Variants in FER1L6 observed in about 807,000 individuals in gnomAD.
FER1L6 encodes fer-1 like family member 6, also known as fer-1-like protein 6.
A neutral mutation model predicts 219.2 loss-of-function variants in FER1L6; 177 were observed. The observed-to-expected ratio is 0.81, with a 90% CI of 0.71 to 0.91. FER1L6 has a LOEUF of 0.91. Among genes scored for constraint, FER1L6 ranks in the 40% least tolerant of loss-of-function variants. FER1L6 has a pLI of 0.00. For missense variants in FER1L6, 2,153 were observed against 2,259.9 expected (o/e 0.95, Z 0.96); for synonymous variants, 768 against 824.3 (o/e 0.93, Z 1.17).
intron 32 of FER1L6, among the ~76,000 whole-genome samples, chr8:124,081,773 G>A (rs1159558961): frequency 6.6e-6 from 1 of 152,116 alleles, no homozygotes; most frequent in Non-Finnish European, 1.5e-5. Context: ...CAACAATGGA[G>A]GGGAAGGGGA....
intron 1 of FER1L6, among the ~76,000 whole-genome samples, chr8:123,936,912 T>TG (rs1814029816): frequency 6.6e-6 from 1 of 151,600 alleles, no homozygotes; most frequent in African/African-American, 2.4e-5. Context: ...TTAAAGAACA[T>TG]TTTTTTTTGT....
rs762510278 is a variant in FER1L6, at chr8:124,023,518, C to T, written c.2208C>T (p.Ala736=). 9.9e-6 allele frequency: 16 copies of T among 1,614,192 alleles called. No homozygotes were observed. Among genetic ancestry groups the T allele is most frequent in the Non-Finnish European group, 1.4e-5 (16 of 1,180,008 alleles). Residue 736 remains alanine, a synonymous_variant, in exon 18 of 41, where the codon GCC becomes GCT. Coordinates refer to ENST00000522917, the MANE Select transcript of FER1L6 (RefSeq NM_001039112.2). ...NNRRVAYARI[A]SKDLLYSPVA... ...GGAGAGTGGCCTATGCCCGCATCGCCTCCAAAGACCTCCTCTATTCCCCTG... is the reference window on the plus strand; with the variant it reads ...GGAGAGTGGCCTATGCCCGCATCGCTTCCAAAGACCTCCTCTATTCCCCTG...
chr8:124,023,541 C>G lies in FER1L6; in HGVS notation c.2231C>G (p.Pro744Arg). ...GCCTCCAAAGACCTCCTCTATTCCC[C>G]TGTCGCGGGGCAGATGGGCAAACAC... ...RIASKDLLYS[P>R]VAGQMGKHCG... The change falls in exon 18 of 41, where the codon CCT becomes CGT. Residue 744 changes from proline (P) to arginine (R), a missense_variant. Physicochemically the swap from Pro to Arg is moderately radical, Grantham distance 103 (BLOSUM62 -2). Transcript: ENST00000522917. 6.2e-7 allele frequency: 1 copy of G among 1,614,154 alleles called. No homozygotes were observed. The highest frequency in any genetic ancestry group is 1.1e-5 in the South Asian group (1 of 91,090).
chr8:123,978,814 C>A (rs555506772), intron 10 of FER1L6, among the ~76,000 whole-genome samples: 1 of 152,176 alleles, frequency 6.6e-6, no homozygotes, highest in Admixed American at 6.5e-5. Flanking sequence ...CATAGAGAGG[C>A]CTCAGTAAAT....
At chr8:123,865,714 G>A (rs1264745782) in intron 1 of FER1L6, among the ~76,000 whole-genome samples, 1 of 151,280 alleles carries the variant, frequency 6.6e-6, no homozygotes, top group South Asian at 2.1e-4. Flanking sequence ...TCTGAAAAGC[G>A]CAATATTCGG....
chr8:123,970,968 G>C (rs1024938557), intron 6 of FER1L6, among the ~76,000 whole-genome samples: 1 of 152,150 alleles, frequency 6.6e-6, no homozygotes, highest in African/African-American at 2.4e-5. Flanking sequence ...AAGGATGGCT[G>C]GAGAGTAAGT....
chr8:124,017,878 A>G (rs1818270350), intron 16 of FER1L6, among the ~76,000 whole-genome samples, 160 bp downstream of exon 16: 1 of 152,240 alleles, frequency 6.6e-6, no homozygotes. Flanking sequence ...TTGGAAAGAA[A>G]TGAACATTTA....
intron 1 of FER1L6, among the ~76,000 whole-genome samples, chr8:123,918,771 G>A (rs954512844): frequency 6.6e-5 from 10 of 152,308 alleles, no homozygotes; most frequent in African/African-American, 2.2e-4. Context: ...TTGCTTTGGC[G>A]TTCTTAAGAA....
At chr8:124,105,981 G>A (rs1355274808) in intron 39 of FER1L6, among the ~76,000 whole-genome samples, 1 of 152,176 alleles carries the variant, frequency 6.6e-6, no homozygotes, top group Non-Finnish European at 1.5e-5. Context: ...ATGAGTAGTT[G>A]CCAGGGACTG....
At chr8:124,110,910 T>G (rs908889957) in intron 39 of FER1L6, among the ~76,000 whole-genome samples, 6 of 151,962 alleles carry the variant, frequency 3.9e-5, no homozygotes, top group Non-Finnish European at 8.8e-5. Context: ...GCAGTGTCGT[T>G]TAATCAGTCT....
chr8:124,079,780 T>C (rs1388332445), intron 32 of FER1L6, among the ~76,000 whole-genome samples: 1 of 152,180 alleles, frequency 6.6e-6, no homozygotes, highest in African/African-American at 2.4e-5. Flanking sequence ...TTTGAGTCTG[T>C]GTAATCGGAG....
intron 12 of FER1L6, among the ~76,000 whole-genome samples, chr8:124,002,640 A>G (rs1257916275): frequency 6.6e-6 from 1 of 151,904 alleles, no homozygotes; most frequent in Non-Finnish European, 1.5e-5. Context: ...TTTGTAGGGG[A>G]AAAAATGATG....
At chr8:123,973,355 A>T in intron 6 of FER1L6, 79 bp from the exon 7 acceptor site, 1 of 1,159,686 alleles carries the variant, frequency 8.6e-7, no homozygotes, top group Non-Finnish European at 1.3e-6. Flanking sequence ...TGCTCCAGAC[A>T]GGGTCAAAGC....
intron 1 of FER1L6, among the ~76,000 whole-genome samples, chr8:123,866,255 A>C (rs1816836619): frequency 6.6e-6 from 1 of 151,978 alleles, no homozygotes. Flanking sequence ...ATGTTGTCAC[A>C]GATGTCAGCA....
chr8:123,949,693 C>A (rs1008276775), intron 1 of FER1L6, among the ~76,000 whole-genome samples: 3 of 152,118 alleles, frequency 2.0e-5, no homozygotes, highest in African/African-American at 7.2e-5. Context: ...GTGGTTACTT[C>A]CACTTGCACA....
chr8:124,039,904 G>A lies in FER1L6; in HGVS notation c.2487G>A (p.Arg829=), dbSNP rs373161938. 9 of 1,614,082 alleles carry A rather than the reference G, an allele frequency of 5.6e-6. No individual in the cohort carries two copies. In the South Asian group the frequency reaches 8.8e-5, roughly 16 times the overall value. The change falls in exon 20 of 41, where the codon AGG becomes AGA. Residue 829 remains arginine, a synonymous_variant. Transcript: ENST00000522917. ...CAGAACAGCATGTTTTTCAGCTGAG[G>A]GCTCACATGTACCAAGCCCGGGGCC... is the stretch of plus-strand genomic sequence containing the variant. ...LYQEQHVFQL[R]AHMYQARGLI...
chr8:123,956,223 G>T, intron 2 of FER1L6, 149 bp downstream of exon 2: 2 of 748,488 alleles, frequency 2.7e-6, no homozygotes, highest in South Asian at 3.6e-5. Context: ...CTAGTCACAG[G>T]TGTGGGCCCA....
At chr8:124,047,505 A>T (rs1006551529) in intron 21 of FER1L6, 2 of 152,220 alleles carry the variant, frequency 1.3e-5, no homozygotes, top group Non-Finnish European at 2.9e-5. Flanking sequence ...AAAAAAGGAT[A>T]TTAAAATATT....
rs117950058 is a variant in FER1L6 at position 124,098,826 on chromosome 8, C to T, written c.4883+943C>T. 9.8e-4 allele frequency among the ~76,000 whole-genome samples: 149 copies of T among 152,330 alleles called. 2 individuals carry two copies. In the East Asian group the frequency reaches 0.017, roughly 17 times the overall value. On this transcript the variant is annotated intron_variant, in intron 37 of 40. Transcript: ENST00000522917. Reference sequence around the variant, plus strand: ...GATGAAGGCGATGTTTGTTCACTCTCTGTCTCCTTCCCTCCCACTCGCTTC... The same window carrying T: ...GATGAAGGCGATGTTTGTTCACTCTTTGTCTCCTTCCCTCCCACTCGCTTC...
Sources: allele counts gnomAD v4.1 joint callset (sites outside exome capture counted in the v4.1 genomes callset), GRCh38; gene constraint gnomAD v4.1.1; transcripts MANE v1.5; gene names NCBI Gene and HGNC (gene_info 2026-07-23, HGNC 2026-07-21).